Variants in PCDHA2 observed in about 807,000 individuals in gnomAD.
The protein encoded by PCDHA2 is protocadherin alpha 2.
A neutral mutation model predicts 66.0 loss-of-function variants in PCDHA2; 58 were observed. The ratio of observed to expected loss-of-function variants is 0.88; its 90% confidence interval spans 0.71 to 1.09. The LOEUF (loss-of-function observed/expected upper bound fraction) is 1.09. Ranked by LOEUF, PCDHA2 falls within the 50% of genes least tolerant of loss-of-function variation. The probability of loss-of-function intolerance (pLI) is 0.00; values close to 1 mark genes in which losing one functional copy is unlikely to be tolerated. For missense variants in PCDHA2, 1,267 were observed against 1,242.3 expected (o/e 1.02, Z -0.30); for synonymous variants, 634 against 554.0 (o/e 1.14, Z -2.03).
At chr5:140,827,465 T>C (rs2150147677) in intron 1 of PCDHA2, among the ~76,000 whole-genome samples, 16 of 152,372 alleles carry the variant, frequency 1.1e-4, no homozygotes, top group Admixed American at 2.6e-4. Context: ...GAGCATCTGA[T>C]ATTTATTGAA....
chr5:140,809,107 G>A, intron 1 of PCDHA2: 2 of 1,613,952 alleles, frequency 1.2e-6, no homozygotes, highest in Admixed American at 1.7e-5. Flanking sequence ...TGGACGAAAC[G>A]GACGCTCCGC....
At chr5:140,823,206 T>A in intron 1 of PCDHA2, 1 of 1,613,806 alleles carries the variant, frequency 6.2e-7, no homozygotes, top group South Asian at 1.1e-5. Flanking sequence ...TCACGGTGTC[T>A]GCACGGGACG....
chr5:141,006,620 T>C (rs1237251555), intron 3 of PCDHA2, among the ~76,000 whole-genome samples: 3 of 152,148 alleles, frequency 2.0e-5, no homozygotes, highest in Admixed American at 6.5e-5. Context: ...ATAAGGAGAC[T>C]ATTGCTGCAA....
intron 1 of PCDHA2, chr5:140,842,982 T>C (rs2150349122): frequency 6.3e-7 from 1 of 1,594,948 alleles, no homozygotes; most frequent in Non-Finnish European, 8.6e-7. Context: ...CTGCAGGTGT[T>C]CGTGCTGGAC....
chr5:140,971,557 T>A (rs1483701815), intron 1 of PCDHA2, among the ~76,000 whole-genome samples: 5 of 152,150 alleles, frequency 3.3e-5, no homozygotes, highest in Non-Finnish European at 7.4e-5. Context: ...CCTGTTAAAT[T>A]CCCATGTTGG....
intron 1 of PCDHA2, among the ~76,000 whole-genome samples, chr5:140,912,536 A>G (rs1554195402): frequency 2.0e-5 from 3 of 152,290 alleles, no homozygotes; most frequent in African/African-American, 4.8e-5. Flanking sequence ...GTACATGATC[A>G]TATTGTCAGC....
rs2150121871 is a variant in PCDHA2, at chr5:140,823,063, G to A, written c.2388+25711G>A. The A allele has an allele frequency of 1.8e-5, 29 of 1,614,140 alleles. No homozygotes were observed. Among genetic ancestry groups the A allele is most frequent in the Non-Finnish European group, 2.5e-5 (29 of 1,180,050 alleles). ...GCTGGTGGTGACCGCGCGGGACGGG[G>A]GCTCGCCTTCGCTGTGGGCCACCGC... On this transcript the variant is annotated intron_variant, in intron 1 of 3. Transcript: ENST00000526136.
chr5:140,967,736 G>A (rs1554229871), intron 1 of PCDHA2: 4 of 1,614,162 alleles, frequency 2.5e-6, no homozygotes, highest in Non-Finnish European at 3.4e-6. Context: ...TGGGGGGCTG[G>A]ATTATGAGGA....
intron 1 of PCDHA2, chr5:140,867,711 G>T (rs1202135456): frequency 2.0e-5 from 3 of 151,816 alleles, no homozygotes; most frequent in Non-Finnish European, 2.9e-5. Flanking sequence ...AATCCTAAGG[G>T]TATATGAAAA....
chr5:140,950,556 A>G (rs2094497175), intron 1 of PCDHA2, among the ~76,000 whole-genome samples: 2 of 152,036 alleles, frequency 1.3e-5, no homozygotes, highest in Non-Finnish European at 2.9e-5. Context: ...CTGGGGGGAC[A>G]CTTATTTTAA....
At chr5:140,981,537 G>A (rs375537131) in intron 2 of PCDHA2, among the ~76,000 whole-genome samples, 2 of 152,172 alleles carry the variant, frequency 1.3e-5, no homozygotes, top group East Asian at 1.9e-4. Flanking sequence ...TCGTGCCACT[G>A]TACTCCAGCC....
At chr5:140,806,967 C>T in intron 1 of PCDHA2, 2 of 605,806 alleles carry the variant, frequency 3.3e-6, no homozygotes, top group Middle Eastern at 2.6e-4. Context: ...TCCACAATTG[C>T]TACTTACGGT....
chr5:140,870,179 G>A, intron 1 of PCDHA2: 1 of 1,614,104 alleles, frequency 6.2e-7, no homozygotes, highest in South Asian at 1.1e-5. Context: ...CTCCCAGTAC[G>A]AGAGGACGCT....
intron 1 of PCDHA2, chr5:140,829,384 C>T (rs1226785710): frequency 3.1e-6 from 5 of 1,614,060 alleles, no homozygotes; most frequent in Non-Finnish European, 4.2e-6. Context: ...GGGACGGGGG[C>T]TCGCCTTCGC....
chr5:140,876,034 A>G, intron 1 of PCDHA2: 1 of 1,613,792 alleles, frequency 6.2e-7, no homozygotes, highest in Admixed American at 1.7e-5. Flanking sequence ...AAAAAAAGAT[A>G]AAAGTATATT....
At position 140,984,581 on chromosome 5, in the gene PCDHA2, C is replaced by T. The variant is rs141574202; in HGVS notation, c.2536+2018C>T. ...TCCAACTACTCCATGGCAACCTAAT[C>T]ATACTTTTCAATACATACCTCTGCA... On this transcript the variant is annotated intron_variant, in intron 3 of 3. Transcript: ENST00000526136. 4.4e-3 allele frequency among the ~76,000 whole-genome samples: 664 copies of T among 152,272 alleles called. 7 individuals carry two copies. The highest frequency in any genetic ancestry group is 0.013 in the African/African-American group (558 of 41,552).
intron 1 of PCDHA2, chr5:140,808,224 A>G (rs1554124464): frequency 1.2e-6 from 2 of 1,614,234 alleles, no homozygotes; most frequent in East Asian, 2.2e-5. Flanking sequence ...AACAACGATA[A>G]TGTCCCAGAT....
intron 1 of PCDHA2, chr5:140,870,414 G>T: frequency 6.2e-7 from 1 of 1,614,230 alleles, no homozygotes; most frequent in Non-Finnish European, 8.5e-7. Context: ...TGTGGGCCAC[G>T]GCCAGGGTAT....
intron 1 of PCDHA2, chr5:140,862,507 G>C (rs2047400822): frequency 5.0e-6 from 2 of 401,986 alleles, no homozygotes; most frequent in Non-Finnish European, 5.0e-6. Flanking sequence ...ATGGGGACTC[G>C]CTTTCATTGT....
Sources: allele counts gnomAD v4.1 joint callset (sites outside exome capture counted in the v4.1 genomes callset), GRCh38; gene constraint gnomAD v4.1.1; transcripts MANE v1.5; gene names NCBI Gene and HGNC (gene_info 2026-07-23, HGNC 2026-07-21).